SRRM4: variants seen among roughly 807,000 people sequenced by gnomAD.
SRRM4 encodes the protein serine/arginine repetitive matrix 4.
Under a neutral mutation model 68.9 loss-of-function variants are expected in SRRM4, and 33 were observed. That is an observed-to-expected ratio of 0.48 (90% CI 0.36 to 0.64). The LOEUF (loss-of-function observed/expected upper bound fraction) is 0.64, where lower values mean the gene tolerates loss of function less well. Among genes scored for constraint, SRRM4 ranks in the 30% least tolerant of loss-of-function variants. The pLI is 0.00. For missense variants in SRRM4, 817 were observed against 827.1 expected, an observed-to-expected ratio of 0.99 and a Z score of 0.15; for synonymous variants, 318 against 318.8, an observed-to-expected ratio of 1.00 and a Z score of 0.03.
At position 119,161,663 on chromosome 12, in the gene SRRM4, G is replaced by C. The variant is rs1954514878; in HGVS notation, c.*4865G>C. The C allele has an allele frequency of 3.3e-5, 5 of 152,598 alleles. No individual in the cohort carries two copies. Among genetic ancestry groups the C allele is most frequent in the Admixed American group, 3.3e-4 (5 of 15,278 alleles). The allele number at this position is 152,598 out of a possible 1,614,324, so 9.5% of individuals were successfully genotyped here. On this transcript the variant is annotated 3_prime_UTR_variant, in exon 13 of 13. Transcript: ENST00000267260. ...AGAATTGGTCCATCTCCCAGCTCCA[G>C]GTGCTGCTGTCTGCAGCAAGGGCAT...
intron 1 of SRRM4, among the ~76,000 whole-genome samples, chr12:119,095,656 G>A (rs1954039665): frequency 6.6e-6 from 1 of 152,114 alleles, no homozygotes. Flanking sequence ...ATTTCTGTTT[G>A]TGGAATATAA....
At chr12:119,019,129 A>G (rs1050860501) in intron 1 of SRRM4, among the ~76,000 whole-genome samples, 1 of 152,190 alleles carries the variant, frequency 6.6e-6, no homozygotes, top group African/African-American at 2.4e-5. Flanking sequence ...CCACAATGCC[A>G]CCTTCCCTGC....
intron 1 of SRRM4, among the ~76,000 whole-genome samples, chr12:119,040,730 A>G (rs548547262): frequency 2.6e-5 from 4 of 152,004 alleles, no homozygotes; most frequent in African/African-American, 9.7e-5. Flanking sequence ...TGTTGGATCA[A>G]ATGAGCTACC....
intron 2 of SRRM4, among the ~76,000 whole-genome samples, chr12:119,103,148 C>T (rs1391027390): frequency 6.6e-6 from 1 of 152,134 alleles, no homozygotes. Flanking sequence ...TCTGGCCCAT[C>T]TTTGGCCTCT....
intron 1 of SRRM4, among the ~76,000 whole-genome samples, chr12:119,025,987 C>T (rs1953546143): frequency 1.3e-5 from 2 of 151,992 alleles, no homozygotes; most frequent in African/African-American, 4.8e-5. Flanking sequence ...AGAGTCACGG[C>T]CACCGAGCCA....
intron 1 of SRRM4, among the ~76,000 whole-genome samples, chr12:119,064,339 A>G (rs982192212): frequency 4.6e-5 from 7 of 152,244 alleles, no homozygotes; most frequent in Non-Finnish European, 5.9e-5. Flanking sequence ...GCCAAAAGGA[A>G]TGTTTCAAAC....
chr12:119,081,354 T>A (rs1953946612), intron 1 of SRRM4, among the ~76,000 whole-genome samples: 1 of 152,110 alleles, frequency 6.6e-6, no homozygotes, highest in Non-Finnish European at 1.5e-5. Flanking sequence ...GAGCAAAGAC[T>A]TGAAGAAAGT....
chr12:119,014,709 G>A, intron 1 of SRRM4, among the ~76,000 whole-genome samples: 1 of 152,206 alleles, frequency 6.6e-6, no homozygotes, highest in East Asian at 1.9e-4. Flanking sequence ...GGGAGGTACA[G>A]TGGGCTCCTC....
intron 1 of SRRM4, among the ~76,000 whole-genome samples, chr12:119,081,542 C>T (rs1265025656): frequency 3.3e-5 from 5 of 152,092 alleles, no homozygotes; most frequent in Admixed American, 2.6e-4. Context: ...TAACAGGGGC[C>T]GGACTGTGTA....
intron 1 of SRRM4, among the ~76,000 whole-genome samples, chr12:119,053,801 T>A (rs1056067643): frequency 1.3e-5 from 2 of 152,148 alleles, no homozygotes; most frequent in Non-Finnish European, 1.5e-5. Context: ...TATGAGATAT[T>A]TTGACACAGG....
At chr12:119,126,958 A>G (rs1954264939) in intron 7 of SRRM4, among the ~76,000 whole-genome samples, 1 of 149,184 alleles carries the variant, frequency 6.7e-6, no homozygotes. Flanking sequence ...CTATCGCAAG[A>G]ACAAAAAACC....
intron 1 of SRRM4, among the ~76,000 whole-genome samples, chr12:119,057,109 T>A (rs1953781565): frequency 6.6e-6 from 1 of 152,232 alleles, no homozygotes; most frequent in Non-Finnish European, 1.5e-5. Flanking sequence ...GAAACCCGCA[T>A]CCTCAGACAC....
At chr12:119,024,643 T>C (rs1447142475) in intron 1 of SRRM4, among the ~76,000 whole-genome samples, 1 of 152,214 alleles carries the variant, frequency 6.6e-6, no homozygotes, top group African/African-American at 2.4e-5. Context: ...CAGAGCATGA[T>C]TGATGTGCAT....
At chr12:119,084,045 C>G (rs1291187948) in intron 1 of SRRM4, among the ~76,000 whole-genome samples, 1 of 152,214 alleles carries the variant, frequency 6.6e-6, no homozygotes, top group Non-Finnish European at 1.5e-5. Context: ...CACTACGGCC[C>G]TACACAGCAA....
At chr12:118,995,855 C>T (rs1408762106) in intron 1 of SRRM4, among the ~76,000 whole-genome samples, 3 of 152,182 alleles carry the variant, frequency 2.0e-5, no homozygotes, top group Non-Finnish European at 4.4e-5. Flanking sequence ...TATCCACCAC[C>T]ACCTATTCAT....
Position 119,156,683 on chromosome 12 carries a change from G to A in SRRM4, c.1721G>A (p.Ser574Asn), listed in dbSNP as rs893909815. The A allele has an allele frequency of 6.4e-7, 1 of 1,556,008 alleles. No individual in the cohort carries two copies. The highest frequency in any genetic ancestry group is 8.7e-7 in the Non-Finnish European group (1 of 1,151,394). ...TRTSSSSSSR[S>N]PSPGSRSRSR... ...ACGAGCAGCAGCTCTAGCTCCCGCA[G>A]CCCTAGTCCGGGCTCCCGCAGCCGG... is the stretch of plus-strand genomic sequence containing the variant. The change falls in exon 13 of 13, where the codon AGC becomes AAC. Residue 574 changes from serine (S) to asparagine (N), a missense_variant. Coordinates refer to ENST00000267260, the MANE Select transcript of SRRM4 (RefSeq NM_194286.4).
At chr12:119,053,646 G>A (rs1274732733) in intron 1 of SRRM4, among the ~76,000 whole-genome samples, 3 of 152,204 alleles carry the variant, frequency 2.0e-5, no homozygotes, top group African/African-American at 7.2e-5. Flanking sequence ...CACCTGCTGT[G>A]CGTATTTTGT....
intron 7 of SRRM4, among the ~76,000 whole-genome samples, chr12:119,126,429 G>T (rs535263534): frequency 2.6e-5 from 4 of 152,034 alleles, no homozygotes; most frequent in East Asian, 1.9e-4. Context: ...GGCATGGGGG[G>T]GTTAAGGACT....
chr12:119,052,936 T>G (rs2136017857), intron 1 of SRRM4, among the ~76,000 whole-genome samples: 1 of 152,344 alleles, frequency 6.6e-6, no homozygotes, highest in East Asian at 1.9e-4. Context: ...TTTTCAAATT[T>G]CTGTACCCAA....
Sources: allele counts gnomAD v4.1 joint callset (sites outside exome capture counted in the v4.1 genomes callset), GRCh38; gene constraint gnomAD v4.1.1; transcripts MANE v1.5; gene names NCBI Gene and HGNC (gene_info 2026-07-23, HGNC 2026-07-21).